Variants in MAP3K13 observed in about 807,000 individuals in gnomAD.
MAP3K13 encodes leucine zipper-bearing kinase.
MAP3K13 carries 52 observed loss-of-function variants against 104.0 expected under a neutral mutation model. That is an observed-to-expected ratio of 0.50 (90% CI 0.40 to 0.63). MAP3K13 has a LOEUF of 0.63. MAP3K13 is among the 20% of genes least tolerant of loss of function. MAP3K13 has a pLI of 0.00. For missense variants in MAP3K13, 914 were observed against 1,218.5 expected (o/e 0.75, Z 3.72); for synonymous variants, 394 against 442.2 (o/e 0.89, Z 1.37).
chr3:185,314,358 G>C (rs960907746), intron 2 of MAP3K13, among the ~76,000 whole-genome samples: 1 of 152,202 alleles, frequency 6.6e-6, no homozygotes, highest in African/African-American at 2.4e-5. Flanking sequence ...GCTCACGCCT[G>C]TAATCCTAGC....
At chr3:185,335,856 T>C (rs1189408719) in intron 2 of MAP3K13, among the ~76,000 whole-genome samples, 1 of 152,154 alleles carries the variant, frequency 6.6e-6, no homozygotes, top group Non-Finnish European at 1.5e-5. Context: ...CCAACTGTAC[T>C]GGCTTGGCCT....
At chr3:185,411,682 A>T (rs1469791126) in intron 1 of MAP3K13, among the ~76,000 whole-genome samples, 1 of 152,112 alleles carries the variant, frequency 6.6e-6, no homozygotes, top group Non-Finnish European at 1.5e-5. Context: ...ATGTTATTTT[A>T]AAAATGTGAT....
In MAP3K13 at chr3:185,488,570, C is replaced by T. The variant is rs1718832187; in HGVS notation, c.*6114C>T. ...GGTACGATGGCAGGACTTCACAGAGCAGAGCCCTAAGCAGATGGCAAGGCC... is the reference window on the plus strand; with the variant it reads ...GGTACGATGGCAGGACTTCACAGAGTAGAGCCCTAAGCAGATGGCAAGGCC... On this transcript the variant is annotated 3_prime_UTR_variant, in exon 14 of 14. Coordinates refer to ENST00000265026, the MANE Select transcript of MAP3K13 (RefSeq NM_004721.5). The T allele has an allele frequency of 6.6e-6, 1 of 152,266 alleles. No homozygotes were observed. Among genetic ancestry groups the T allele is most frequent in the Admixed American group, 6.5e-5 (1 of 15,284 alleles). 9.4% of individuals were successfully genotyped at this position (152,266 alleles called of 1,614,324 possible). A position where few individuals can be genotyped will look rare whatever the true frequency, so the allele number is the denominator to read the frequency against.
chr3:185,329,003 A>G, intron 2 of MAP3K13: 1 of 475,356 alleles, frequency 2.1e-6, no homozygotes, highest in Admixed American at 3.3e-5. Context: ...TGACATTTTC[A>G]TATAAAAAGG....
At chr3:185,403,230 C>T (rs952975050) in intron 1 of MAP3K13, among the ~76,000 whole-genome samples, 4 of 152,134 alleles carry the variant, frequency 2.6e-5, no homozygotes, top group Non-Finnish European at 5.9e-5. Context: ...TGCTGCTGTT[C>T]GGAAATTGCT....
intron 1 of MAP3K13, among the ~76,000 whole-genome samples, chr3:185,426,130 G>A (rs1162431423): frequency 6.6e-6 from 1 of 152,072 alleles, no homozygotes; most frequent in African/African-American, 2.4e-5. Context: ...GCCCAGGCTA[G>A]AGTGTAGTAG....
At chr3:185,305,723 A>G (rs186232058) in intron 2 of MAP3K13, among the ~76,000 whole-genome samples, 2 of 152,058 alleles carry the variant, frequency 1.3e-5, no homozygotes, top group East Asian at 1.9e-4. Context: ...GGAAAGGTCT[A>G]TTTTTTTCCT....
At chr3:185,404,078 C>T (rs1201991822) in intron 1 of MAP3K13, among the ~76,000 whole-genome samples, 1 of 152,232 alleles carries the variant, frequency 6.6e-6, no homozygotes. Context: ...CAAGTGATAC[C>T]TGCCACTACC....
At chr3:185,358,766 C>A (rs1723481223), upstream of MAP3K13, among the ~76,000 whole-genome samples, 2 of 152,110 alleles carry the variant, frequency 1.3e-5, no homozygotes, top group Non-Finnish European at 1.5e-5. Flanking sequence ...AGAATTCTGA[C>A]CAGTATTCCC....
At chr3:185,414,671 A>C (rs988228524) in intron 1 of MAP3K13, among the ~76,000 whole-genome samples, 2 of 152,184 alleles carry the variant, frequency 1.3e-5, no homozygotes, top group African/African-American at 2.4e-5. Flanking sequence ...ATGTCATTGG[A>C]AGTCGAAGTC....
At chr3:185,417,645 T>G in intron 1 of MAP3K13, 1 of 1,612,096 alleles carries the variant, frequency 6.2e-7, no homozygotes, top group Middle Eastern at 2.2e-4. Flanking sequence ...CTTTCTTACC[T>G]ACCACAGGCT....
chr3:185,326,342 G>A (rs796155123), intron 2 of MAP3K13, among the ~76,000 whole-genome samples: 54 of 152,024 alleles, frequency 3.6e-4, no homozygotes, highest in African/African-American at 1.3e-3. Context: ...ACCCCACCAC[G>A]CCCCCAGGAT....
chr3:185,471,076 T>C (rs914552362), intron 10 of MAP3K13, among the ~76,000 whole-genome samples: 2 of 152,282 alleles, frequency 1.3e-5, no homozygotes, highest in African/African-American at 4.8e-5. Context: ...TGATCTCCCA[T>C]AGAAACTCTT....
upstream of MAP3K13, among the ~76,000 whole-genome samples, chr3:185,361,590 G>C (rs986177945): frequency 2.6e-5 from 4 of 152,010 alleles, no homozygotes; most frequent in African/African-American, 7.2e-5. Context: ...ATTTTTAGTA[G>C]AGACGGGGTT....
intron 2 of MAP3K13, among the ~76,000 whole-genome samples, chr3:185,344,639 C>T (rs933222218): frequency 6.6e-6 from 1 of 152,150 alleles, no homozygotes; most frequent in African/African-American, 2.4e-5. Context: ...TGACTATGCC[C>T]AACACAGAGT....
intron 1 of MAP3K13, chr3:185,417,524 T>C (rs1713848011): frequency 1.9e-6 from 3 of 1,609,842 alleles, no homozygotes; most frequent in Non-Finnish European, 2.5e-6. Context: ...TCCTCTGTAG[T>C]AGGTTTCTTT....
At chr3:185,308,820 G>A (rs2108684951) in intron 2 of MAP3K13, among the ~76,000 whole-genome samples, 1 of 152,332 alleles carries the variant, frequency 6.6e-6, no homozygotes, top group Middle Eastern at 3.4e-3. Flanking sequence ...CTGGCTTGGG[G>A]AAGGCCTATT....
intron 1 of MAP3K13, among the ~76,000 whole-genome samples, chr3:185,395,491 T>C (rs1295267106): frequency 1.8e-5 from 2 of 111,112 alleles, no homozygotes; most frequent in African/African-American, 6.7e-5. Context: ...CCCAAGTAGC[T>C]GGGACTACAG....
chr3:185,365,782 C>T (rs964060810), intron 1 of MAP3K13, among the ~76,000 whole-genome samples: 8 of 149,320 alleles, frequency 5.4e-5, no homozygotes, highest in African/African-American at 9.9e-5. Flanking sequence ...AGGAAAATGC[C>T]GGAAATAAAC....
Sources: allele counts gnomAD v4.1 joint callset (sites outside exome capture counted in the v4.1 genomes callset), GRCh38; gene constraint gnomAD v4.1.1; transcripts MANE v1.5; gene names NCBI Gene and HGNC (gene_info 2026-07-23, HGNC 2026-07-21).